RGPD1: variants seen among roughly 807,000 people sequenced by gnomAD.
The protein encoded by RGPD1 is RANBP2-like and GRIP domain-containing protein 1.
RGPD1 carries 7 observed loss-of-function variants against 40.6 expected under a neutral mutation model. That is an observed-to-expected ratio of 0.17 (90% CI 0.10 to 0.32). The LOEUF is 0.32. Among genes scored for constraint, RGPD1 ranks in the 10% least tolerant of loss-of-function variants. The pLI, the probability that RGPD1 is intolerant of heterozygous loss-of-function variation, is 1.00. For missense variants in RGPD1, 50 were observed against 472.5 expected (o/e 0.11, Z 8.29); for synonymous variants, 24 against 167.0 (o/e 0.14, Z 6.60).
At chr2:86,924,855 C>T (rs537037474) in intron 1 of RGPD1, among the ~76,000 whole-genome samples, 79 of 151,130 alleles carry the variant, frequency 5.2e-4, no homozygotes, top group African/African-American at 1.5e-3. Context: ...TGAAAATTCA[C>T]GCCTGTAATC....
Position 86,942,300 on chromosome 2 carries a change from C to T in RGPD1, c.64C>T (p.Pro22Ser), listed in dbSNP as rs1679853328. 1.3e-6 allele frequency: 2 copies of T among 1,590,476 alleles called. No homozygotes were observed. Among genetic ancestry groups the T allele is most frequent in the Non-Finnish European group, 1.7e-6 (2 of 1,170,512 alleles). Residue 22 changes from proline (P) to serine (S), a missense_variant, in exon 1 of 23, where the codon CCT becomes TCT. Coordinates refer to ENST00000641458, the MANE Select transcript of RGPD1 (RefSeq NM_001382344.1). ...VASVQGSAPS[P>S]GKKLRGFYFA... ...CTCGGTGCAGGGCTCCGCCCCGTCG[C>T]CTGGAAAGGTGAGTGGATCTCGAAG...
At chr2:86,942,957 G>C (rs1216709354) in intron 1 of RGPD1, among the ~76,000 whole-genome samples, 2 of 151,960 alleles carry the variant, frequency 1.3e-5, no homozygotes, top group Non-Finnish European at 2.9e-5. Flanking sequence ...TGGCCCCATA[G>C]TACCCGCGCG....
intron 1 of RGPD1, among the ~76,000 whole-genome samples, chr2:86,948,790 C>CT (rs774358378): frequency 0.075 from 23 of 308 alleles, no homozygotes; most frequent in African/African-American, 0.15. Context: ...TGCTATAGTT[C>CT]TTTTTTTTTT....
rs1191407130 is a variant in RGPD1, at chr2:86,960,779, TG to T, written c.780-2246del. 3.0e-5 allele frequency among the ~76,000 whole-genome samples: 2 copies of T among 67,110 alleles called. 1 individual carries two copies. The highest frequency in any genetic ancestry group is 5.1e-5 in the Non-Finnish European group (2 of 39,080). 44.0% of individuals were successfully genotyped at this position (67,110 alleles called of 152,430 possible). A position where few individuals can be genotyped will look rare whatever the true frequency, so the allele number is the denominator to read the frequency against. ...TAATTTTTTGTATTTTTAGTAGAGA[TG>T]GGGTTTCACTGTGTTAGCCAGGATG... is the stretch of plus-strand genomic sequence containing the variant. On this transcript the variant is annotated intron_variant, in intron 6 of 22. Coordinates refer to ENST00000641458, the MANE Select transcript of RGPD1 (RefSeq NM_001382344.1).
intron 20 of RGPD1, among the ~76,000 whole-genome samples, chr2:86,988,436 G>C (rs1408834167): frequency 1.3e-5 from 1 of 78,962 alleles, no homozygotes; most frequent in Admixed American, 1.3e-4. Context: ...GTGAGACTTT[G>C]TCTCCAAAAA....
intron 1 of RGPD1, among the ~76,000 whole-genome samples, chr2:86,931,858 T>A (rs1490297245): frequency 6.7e-6 from 1 of 148,816 alleles, no homozygotes; most frequent in Non-Finnish European, 1.5e-5. Context: ...TTTACATATA[T>A]CAGAGTTTGT....
chr2:86,918,538 C>T (rs1677900541), intron 1 of RGPD1, among the ~76,000 whole-genome samples: 1 of 137,882 alleles, frequency 7.3e-6, no homozygotes, highest in Admixed American at 7.3e-5. Flanking sequence ...CAGCTCACTA[C>T]AGGCTCTGCC....
intron 1 of RGPD1, among the ~76,000 whole-genome samples, chr2:86,919,345 GTCTCT>G (rs1426407050): frequency 2.1e-5 from 3 of 146,152 alleles, no homozygotes; most frequent in African/African-American, 7.8e-5. Context: ...CTATGTTCCA[GTCTCT>G]TCTCAGACCA....
rs144275014 is a variant in RGPD1 at position 86,945,626 on chromosome 2, C to G, written c.72+3318C>G. On this transcript the variant is annotated intron_variant, in intron 1 of 22. Coordinates refer to ENST00000641458, the MANE Select transcript of RGPD1 (RefSeq NM_001382344.1). ...TGTACTCCCTCACATGTGCTTTTGCCCTTCTTAAAAATATTCTTCGTCTGT... is the reference window on the plus strand; with the variant it reads ...TGTACTCCCTCACATGTGCTTTTGCGCTTCTTAAAAATATTCTTCGTCTGT... 6.2e-4 allele frequency among the ~76,000 whole-genome samples: 94 copies of G among 152,188 alleles called. 1 individual carries two copies. In the East Asian group the frequency reaches 0.012, roughly 19 times the overall value.
At chr2:86,946,269 CT>C (rs1331286012) in intron 1 of RGPD1, among the ~76,000 whole-genome samples, 29 of 71,676 alleles carry the variant, frequency 4.0e-4, no homozygotes, top group African/African-American at 1.0e-3. Flanking sequence ...ATTTTGTTTT[CT>C]TTTTTTTTTT....
chr2:86,942,409 G>A (rs1430487648), intron 1 of RGPD1, 101 bp downstream of exon 1: 15 of 1,044,848 alleles, frequency 1.4e-5, no homozygotes, highest in Non-Finnish European at 1.9e-5. Context: ...CGGCCTCGAT[G>A]GCTCAGGCGT....
chr2:86,944,652 A>C (rs1680201217), intron 1 of RGPD1, among the ~76,000 whole-genome samples: 2 of 151,892 alleles, frequency 1.3e-5, no homozygotes, highest in Admixed American at 1.3e-4. Context: ...GGCTCAAGTG[A>C]TTTCCCCGCC....
intron 1 of RGPD1, among the ~76,000 whole-genome samples, chr2:86,919,388 G>A (rs1250599308): frequency 1.4e-5 from 2 of 147,630 alleles, no homozygotes; most frequent in Non-Finnish European, 3.0e-5. Flanking sequence ...GTTTGATAAC[G>A]TCAGGTAGCG....
intron 1 of RGPD1, among the ~76,000 whole-genome samples, chr2:86,931,202 C>G (rs896135191): frequency 1.3e-5 from 2 of 150,328 alleles, no homozygotes; most frequent in African/African-American, 5.0e-5. Flanking sequence ...GATATCCTTT[C>G]TCCTGGTTAA....
intron 1 of RGPD1, among the ~76,000 whole-genome samples, chr2:86,924,639 A>AT (rs1678330673): frequency 2.7e-5 from 4 of 150,418 alleles, no homozygotes; most frequent in African/African-American, 7.3e-5. Context: ...TAATTTTTAA[A>AT]TTTTTTTGGC....
At chr2:86,945,247 TC>T (rs905949813) in intron 1 of RGPD1, among the ~76,000 whole-genome samples, 7 of 151,908 alleles carry the variant, frequency 4.6e-5, no homozygotes, top group African/African-American at 1.4e-4. Flanking sequence ...CTTTTTTTTT[TC>T]CCCCAAATTT....
intron 1 of RGPD1, among the ~76,000 whole-genome samples, chr2:86,925,631 G>T (rs1388612558): frequency 1.3e-5 from 2 of 152,132 alleles, no homozygotes; most frequent in African/African-American, 2.4e-5. Flanking sequence ...GAAAAAAAAT[G>T]AAGCCTATGA....
chr2:86,929,357 T>C (rs1247019807), intron 1 of RGPD1, among the ~76,000 whole-genome samples: 6 of 151,858 alleles, frequency 4.0e-5, no homozygotes, highest in Non-Finnish European at 5.9e-5. Flanking sequence ...CTCTTGTGCA[T>C]TGATGCCCCC....
intron 1 of RGPD1, chr2:86,930,630 T>G: frequency 6.2e-7 from 1 of 1,611,624 alleles, no homozygotes; most frequent in Non-Finnish European, 8.5e-7. Context: ...CCCGCAGCAG[T>G]GAACACTCTC....
Sources: gnomAD v4.1 joint callset for allele counts (sites outside exome capture counted in the v4.1 genomes callset) on GRCh38, gnomAD v4.1.1 for gene constraint, MANE v1.5 for transcripts, NCBI Gene and HGNC (gene_info 2026-07-23, HGNC 2026-07-21) for gene names.